The following CD1B variants were observed in gnomAD, a reference collection of about 807,000 sequenced individuals.
CD1B encodes T-cell surface glycoprotein CD1b.
In CD1B, 43 loss-of-function variants were observed where a neutral mutation model predicts 39.8. The ratio of observed to expected loss-of-function variants is 1.08; its 90% confidence interval spans 0.85 to 1.39. The LOEUF is 1.39. Ranked by LOEUF, CD1B falls within the 40% of genes most tolerant of loss-of-function variation. The pLI, the probability that CD1B is intolerant of heterozygous loss-of-function variation, is 0.00. For missense variants in CD1B, 495 were observed against 403.8 expected, an observed-to-expected ratio of 1.23 and a Z score of -1.94; for synonymous variants, 192 against 152.5, an observed-to-expected ratio of 1.26 and a Z score of -1.91.
the CD1B span, among the ~76,000 whole-genome samples, chr1:158,286,794 T>C: frequency 6.6e-6 from 1 of 152,178 alleles, no homozygotes; most frequent in Non-Finnish European, 1.5e-5. Flanking sequence ...GGGTGTTACT[T>C]ACTCTTCTAG....
the CD1B span, among the ~76,000 whole-genome samples, chr1:158,299,819 G>A: frequency 1.3e-5 from 2 of 152,084 alleles, no homozygotes; most frequent in South Asian, 2.1e-4. Context: ...ATTTTTGTGG[G>A]ATCAGTGGTG....
the CD1B span, among the ~76,000 whole-genome samples, chr1:158,320,433 C>T: frequency 4.6e-3 from 702 of 152,192 alleles, 5 homozygotes; most frequent in East Asian, 0.029. Context: ...AGGTGCCGTC[C>T]GTCACCCCTT....
the CD1B span, among the ~76,000 whole-genome samples, chr1:158,316,700 T>C: frequency 6.6e-6 from 1 of 150,992 alleles, no homozygotes. Flanking sequence ...CTATGTTGAA[T>C]AGGAGTGGTG....
At chr1:158,320,291 G>A in the CD1B span, among the ~76,000 whole-genome samples, 4 of 152,300 alleles carry the variant, frequency 2.6e-5, no homozygotes, top group African/African-American at 7.2e-5. Flanking sequence ...CTCAGACTGC[G>A]GTGCTAGCAA....
the CD1B span, among the ~76,000 whole-genome samples, chr1:158,307,649 C>T: frequency 1.3e-5 from 2 of 152,264 alleles, no homozygotes; most frequent in East Asian, 3.9e-4. Flanking sequence ...AATTTTAGAC[C>T]AATATCCCTG....
At chr1:158,329,747 C>T (rs1652509231) in intron 3 of CD1B, 99 bp from the exon 4 acceptor site, 8 of 1,559,124 alleles carry the variant, frequency 5.1e-6, no homozygotes, top group Admixed American at 1.9e-5. Context: ...CCCATTCACT[C>T]CTTTGGGAAC....
At chr1:158,315,695 C>A in the CD1B span, among the ~76,000 whole-genome samples, 3 of 151,846 alleles carry the variant, frequency 2.0e-5, no homozygotes, top group East Asian at 5.8e-4. Flanking sequence ...GCTTTTGTTG[C>A]CATTGCTTTT....
chr1:158,327,995 T>C lies in CD1B; in HGVS notation c.*241A>G, dbSNP rs1652423057. ...TTCATTTATTTTGAGACACATTTTT[T>C]CTAACATTTTAATGTGTGTAAAATC... On this transcript the variant is annotated 3_prime_UTR_variant, in exon 6 of 6. Transcript: ENST00000368168. 1 of 402,746 alleles carries C rather than the reference T, an allele frequency of 2.5e-6. No individual in the cohort carries two copies. Among genetic ancestry groups the C allele is most frequent in the Non-Finnish European group, 4.4e-6 (1 of 226,862 alleles). 24.9% of individuals were successfully genotyped at this position (402,746 alleles called of 1,614,324 possible).
chr1:158,296,055 C>T, the CD1B span, among the ~76,000 whole-genome samples: 1 of 152,132 alleles, frequency 6.6e-6, no homozygotes, highest in Non-Finnish European at 1.5e-5. Flanking sequence ...GCTGCCCCAC[C>T]ACCACCAGCA....
Position 158,330,896 on chromosome 1 carries a change from A to G in CD1B, c.228T>C (p.Phe76=), listed in dbSNP as rs61747107. 1.5e-3 allele frequency: 2,354 copies of G among 1,614,088 alleles called. 26 individuals carry two copies. The African/African-American group carries it at 0.025, about 17-fold the overall frequency. Residue 76 remains phenylalanine, a synonymous_variant, in exon 2 of 6, where the codon TTT becomes TTC. Coordinates refer to ENST00000368168, the MANE Select transcript of CD1B (RefSeq NM_001764.3). The stretch of plus-strand genomic sequence containing the variant: ...CTAACTCAGCAACCTCCTTATCACT[A>G]AAGTTACCTTTAGACCAAGGCTTCA... ...IFLKPWSKGN[F]SDKEVAELEE... is the part of the protein sequence containing the mutation.
In CD1B at chr1:158,331,519, T is replaced by C; in HGVS notation, c.-96A>G. The C allele has an allele frequency of 1.0e-6, 1 of 974,840 alleles. No individual in the cohort carries two copies. Among genetic ancestry groups the C allele is most frequent in the Admixed American group, 2.0e-5 (1 of 50,592 alleles). 60.4% of individuals were successfully genotyped at this position (974,840 alleles called of 1,614,324 possible). A position where few individuals can be genotyped will look rare whatever the true frequency, so the allele number is the denominator to read the frequency against. On this transcript the variant is annotated 5_prime_UTR_variant, in exon 1 of 6. Coordinates refer to ENST00000368168, the MANE Select transcript of CD1B (RefSeq NM_001764.3). ...CAGTACCCTGTAGTGACTTCTTCTC[T>C]CTTCCAACTGCCAAATCTCTTCCTC...
chr1:158,330,360 A>G (rs749412228), intron 2 of CD1B, among the ~76,000 whole-genome samples: 1 of 152,156 alleles, frequency 6.6e-6, no homozygotes, highest in Non-Finnish European at 1.5e-5. Context: ...TGAGTATGAA[A>G]GGAGAGGTGA....
chr1:158,308,847 C>T, the CD1B span, among the ~76,000 whole-genome samples: 2 of 152,210 alleles, frequency 1.3e-5, no homozygotes, highest in Non-Finnish European at 2.9e-5. Flanking sequence ...GGATTAAAGA[C>T]TTACATGTTA....
the CD1B span, chr1:158,292,552 G>C: frequency 6.3e-7 from 1 of 1,593,550 alleles, no homozygotes; most frequent in Non-Finnish European, 8.6e-7. Context: ...GATGTAAGTT[G>C]TGTGTAAGTT....
At position 158,330,129 on chromosome 1, in the gene CD1B, G is replaced by T. The variant is rs757903946; in HGVS notation, c.330C>A (p.Tyr110Ter). The T allele has an allele frequency of 1.2e-6, 2 of 1,607,508 alleles. No individual in the cohort carries two copies. The highest frequency in any genetic ancestry group is 1.1e-5 in the South Asian group (1 of 90,000). ...QDFAGDFQMK[Y>*]PFEIQGIAGC... ...CTGCTATGCCCTGGATCTCAAAGGG[G>T]TCTATGTAGAGGGAAAAGAGAGCAA... The change falls in exon 3 of 6, where the codon TAC (tyrosine) becomes TAA (stop). Residue 110 changes from tyrosine (Y) to a stop codon, truncating the protein, a stop_gained and splice_region_variant. Transcript: ENST00000368168. LOFTEE classifies it high-confidence loss of function.
At chr1:158,319,031 C>T in the CD1B span, among the ~76,000 whole-genome samples, 5 of 151,894 alleles carry the variant, frequency 3.3e-5, no homozygotes, top group African/African-American at 1.2e-4. Flanking sequence ...GCCAAGAGAT[C>T]CGCTGTTAGT....
At chr1:158,315,823 T>A in the CD1B span, among the ~76,000 whole-genome samples, 6 of 152,090 alleles carry the variant, frequency 3.9e-5, no homozygotes, top group Non-Finnish European at 8.8e-5. Context: ...CCATCTTGAA[T>A]TAATTTTTGT....
the CD1B span, chr1:158,292,523 A>T: frequency 6.5e-7 from 1 of 1,529,616 alleles, no homozygotes. Context: ...GTGCATATTC[A>T]TGTGGATGTG....
At chr1:158,297,345 GC>G in the CD1B span, among the ~76,000 whole-genome samples, 1 of 152,048 alleles carries the variant, frequency 6.6e-6, no homozygotes, top group Admixed American at 6.6e-5. Context: ...TTCATATCCA[GC>G]CCAAGTAAGA....
Sources: allele counts gnomAD v4.1 joint callset (sites outside exome capture counted in the v4.1 genomes callset), GRCh38; gene constraint gnomAD v4.1.1; transcripts MANE v1.5; gene names NCBI Gene and HGNC (gene_info 2026-07-23, HGNC 2026-07-21).